The following TRHDE variants were observed in gnomAD, a reference collection of about 807,000 sequenced individuals.
TRHDE encodes the protein thyrotropin releasing hormone degrading enzyme, also known as thyrotropin-releasing hormone-degrading ectoenzyme.
A neutral mutation model predicts 125.7 loss-of-function variants in TRHDE; 72 were observed. That is an observed-to-expected ratio of 0.57 (90% CI 0.47 to 0.70). The LOEUF (loss-of-function observed/expected upper bound fraction) is 0.70, where lower values mean the gene tolerates loss of function less well. TRHDE is among the 30% of genes least tolerant of loss of function. The pLI is 0.00. For missense variants in TRHDE, 1,110 were observed against 1,327.1 expected, an observed-to-expected ratio of 0.84 and a Z score of 2.54; for synonymous variants, 509 against 509.1, an observed-to-expected ratio of 1.00 and a Z score of 0.00.
At position 72,473,053 on chromosome 12, in the gene TRHDE, T is replaced by G; in HGVS notation, c.1471-14T>G. ...TTTTATTTTATTTGATGACCATTAA[T>G]TTTGTTACTGCAGTGGTTTGGTGAC... On this transcript the variant is annotated splice_polypyrimidine_tract_variant and intron_variant, in intron 4 of 18. Coordinates refer to ENST00000261180, the MANE Select transcript of TRHDE (RefSeq NM_013381.3). 6.3e-7 allele frequency: 1 copy of G among 1,597,250 alleles called. No homozygotes were observed. Among genetic ancestry groups the G allele is most frequent in the Non-Finnish European group, 8.6e-7 (1 of 1,165,700 alleles).
intron 5 of TRHDE, among the ~76,000 whole-genome samples, chr12:72,482,084 A>G (rs955849294): frequency 5.9e-5 from 9 of 151,860 alleles, no homozygotes; most frequent in African/African-American, 2.2e-4. Context: ...CATTCATTCT[A>G]TTTATTTCCA....
chr12:72,442,509 T>C lies in TRHDE; in HGVS notation c.1316-27249T>C, dbSNP rs995303382. 2.6e-5 allele frequency among the ~76,000 whole-genome samples: 4 copies of C among 152,036 alleles called. No homozygotes were observed. In the South Asian group the frequency reaches 8.3e-4, roughly 31 times the overall value. On this transcript the variant is annotated intron_variant, in intron 3 of 18. Coordinates refer to ENST00000261180, the MANE Select transcript of TRHDE (RefSeq NM_013381.3). ...CTTTTTCCTTACTTATCTATCTGCA[T>C]TTCCTTGCTGCATTTGGCGTTATTG...
chr12:72,642,157 T>C (rs1874092739), intron 15 of TRHDE, among the ~76,000 whole-genome samples: 1 of 152,212 alleles, frequency 6.6e-6, no homozygotes, highest in African/African-American at 2.4e-5. Context: ...TAAATTTCTA[T>C]TGTTTATAAG....
intron 2 of TRHDE, among the ~76,000 whole-genome samples, chr12:72,333,121 C>T (rs573035263): frequency 1.3e-5 from 2 of 152,260 alleles, no homozygotes; most frequent in East Asian, 3.9e-4. Flanking sequence ...TTTAATGCCC[C>T]CAGTAATGGG....
chr12:72,203,184 G>A (rs1877595350), intron 2 of TRHDE, among the ~76,000 whole-genome samples: 1 of 152,096 alleles, frequency 6.6e-6, no homozygotes, highest in Admixed American at 6.5e-5. Context: ...GGTCTAGGCC[G>A]GGCGTAGTGG....
At chr12:72,518,180 G>A (rs1321077918) in intron 6 of TRHDE, among the ~76,000 whole-genome samples, 2 of 150,696 alleles carry the variant, frequency 1.3e-5, no homozygotes, top group East Asian at 1.9e-4. Context: ...GCAGAGCTGA[G>A]TTCAATTCCT....
chr12:72,300,381 C>CAA, intron 2 of TRHDE, among the ~76,000 whole-genome samples: 1 of 151,666 alleles, frequency 6.6e-6, no homozygotes, highest in Non-Finnish European at 1.5e-5. Context: ...CACACACACA[C>CAA]ACACACACAC....
chr12:72,585,895 A>G (rs967858337), intron 12 of TRHDE, among the ~76,000 whole-genome samples: 12 of 152,204 alleles, frequency 7.9e-5, no homozygotes, highest in African/African-American at 2.4e-4. Flanking sequence ...AATTTTTAAA[A>G]TGAGGAATAT....
intron 1 of TRHDE, among the ~76,000 whole-genome samples, chr12:72,101,104 TCTGTGAAG>T (rs1875056090): frequency 6.6e-6 from 1 of 152,208 alleles, no homozygotes; most frequent in Non-Finnish European, 1.5e-5. Context: ...CAAAGTGGAT[TCTGTGAAG>T]CTGATTGAAT....
At chr12:72,546,546 A>G (rs1869429462) in intron 7 of TRHDE, among the ~76,000 whole-genome samples, 1 of 151,626 alleles carries the variant, frequency 6.6e-6, no homozygotes, top group Non-Finnish European at 1.5e-5. Flanking sequence ...ATCACTCATT[A>G]TTAATGACAT....
At chr12:72,246,212 GA>G (rs1383490595) in intron 2 of TRHDE, among the ~76,000 whole-genome samples, 4 of 151,086 alleles carry the variant, frequency 2.6e-5, no homozygotes, top group East Asian at 2.0e-4. Context: ...AGATAACAAT[GA>G]AAAAAAATTT....
chr12:72,316,728 C>T (rs546422530), intron 2 of TRHDE, among the ~76,000 whole-genome samples: 34 of 152,286 alleles, frequency 2.2e-4, no homozygotes, highest in African/African-American at 8.2e-4. Flanking sequence ...AAGATCCCAT[C>T]ATATGAATAT....
At chr12:72,520,171 A>C (rs1199192065) in intron 6 of TRHDE, among the ~76,000 whole-genome samples, 1 of 152,224 alleles carries the variant, frequency 6.6e-6, no homozygotes, top group African/African-American at 2.4e-5. Context: ...GGCTCCACCC[A>C]GTTCCAGCTT....
At chr12:72,399,271 G>T (rs1872935549) in intron 3 of TRHDE, among the ~76,000 whole-genome samples, 1 of 152,196 alleles carries the variant, frequency 6.6e-6, no homozygotes, top group Admixed American at 6.5e-5. Flanking sequence ...GAAGGCTAAT[G>T]TTAGAAAAAT....
chr12:72,458,509 C>T (rs1185595802), intron 3 of TRHDE, among the ~76,000 whole-genome samples: 1 of 152,084 alleles, frequency 6.6e-6, no homozygotes, highest in Non-Finnish European at 1.5e-5. Context: ...CTCTACTCAG[C>T]ATTGGTCATG....
intron 12 of TRHDE, among the ~76,000 whole-genome samples, chr12:72,578,984 G>GTT (rs3081947): frequency 0.018 from 2,495 of 135,904 alleles, 72 homozygotes; most frequent in African/African-American, 0.052. Flanking sequence ...ACTGTTTAGT[G>GTT]TTTTTTTTTT....
intron 3 of TRHDE, among the ~76,000 whole-genome samples, chr12:72,403,899 T>G (rs1420299486): frequency 1.3e-5 from 2 of 152,144 alleles, no homozygotes; most frequent in Non-Finnish European, 2.9e-5. Flanking sequence ...AAGATGGTTT[T>G]CAGCAGGCAT....
chr12:72,266,729 C>T (rs537878870), intron 2 of TRHDE, among the ~76,000 whole-genome samples: 1 of 152,086 alleles, frequency 6.6e-6, no homozygotes, highest in Non-Finnish European at 1.5e-5. Flanking sequence ...GCTTACCTTT[C>T]AGGAAGTAGT....
At chr12:72,410,525 G>A (rs1165885878) in intron 3 of TRHDE, among the ~76,000 whole-genome samples, 1 of 151,884 alleles carries the variant, frequency 6.6e-6, no homozygotes, top group Non-Finnish European at 1.5e-5. Flanking sequence ...AAAATACACT[G>A]CAAAGTTGAA....
Sources: allele counts gnomAD v4.1 joint callset (sites outside exome capture counted in the v4.1 genomes callset), GRCh38; gene constraint gnomAD v4.1.1; transcripts MANE v1.5; gene names NCBI Gene and HGNC (gene_info 2026-07-23, HGNC 2026-07-21).